The following CLVS2 variants were observed in gnomAD, a reference collection of about 807,000 sequenced individuals.
The protein encoded by CLVS2 is clavesin-2.
A neutral mutation model predicts 29.0 loss-of-function variants in CLVS2; 19 were observed. That is an observed-to-expected ratio of 0.66 (90% CI 0.46 to 0.96). The LOEUF is 0.96. Among genes scored for constraint, CLVS2 ranks in the 40% least tolerant of loss-of-function variants. The pLI, the probability that CLVS2 is intolerant of heterozygous loss-of-function variation, is 0.00. For missense variants in CLVS2, 294 were observed against 404.1 expected (o/e 0.73, Z 2.34); for synonymous variants, 161 against 151.3 (o/e 1.06, Z -0.47).
intron 2 of CLVS2, among the ~76,000 whole-genome samples, chr6:123,002,493 A>C (rs1383639073): frequency 1.3e-5 from 2 of 152,142 alleles, no homozygotes; most frequent in African/African-American, 2.4e-5. Context: ...TATGGTGATG[A>C]TAACTTACAA....
chr6:122,998,658 G>A (rs1236741121), intron 2 of CLVS2, among the ~76,000 whole-genome samples: 1 of 152,156 alleles, frequency 6.6e-6, no homozygotes, highest in Non-Finnish European at 1.5e-5. Context: ...AAAGCAAGTA[G>A]TTTTGTTGCT....
intron 4 of CLVS2, among the ~76,000 whole-genome samples, chr6:123,054,113 T>C (rs964400127): frequency 2.0e-5 from 3 of 152,104 alleles, no homozygotes; most frequent in South Asian, 2.1e-4. Flanking sequence ...GCTCCAAGGA[T>C]TTATTACCAT....
Position 123,048,743 on chromosome 6 carries a change from C to A in CLVS2, c.675+11C>A. On this transcript the variant is annotated intron_variant, in intron 4 of 5. Transcript: ENST00000275162. The stretch of plus-strand genomic sequence containing the variant: ...AAAACTCGGAAAAGGGTATTCTTTT[C>A]TTTGATTTTTAATCCTTTCTCTTCC... 6.4e-7 allele frequency: 1 copy of A among 1,556,240 alleles called. No individual in the cohort carries two copies. Among genetic ancestry groups the A allele is most frequent in the Non-Finnish European group, 8.9e-7 (1 of 1,127,736 alleles).
At chr6:123,016,983 C>T (rs1241433319) in intron 3 of CLVS2, among the ~76,000 whole-genome samples, 2 of 152,056 alleles carry the variant, frequency 1.3e-5, no homozygotes, top group Non-Finnish European at 2.9e-5. Context: ...CTGTCCAAGG[C>T]TGGGGCGTGA....
At chr6:123,035,745 A>G in intron 3 of CLVS2, among the ~76,000 whole-genome samples, 1 of 152,118 alleles carries the variant, frequency 6.6e-6, no homozygotes, top group Non-Finnish European at 1.5e-5. Flanking sequence ...AAGGCAAGGC[A>G]TGTAATCTTT....
intron 3 of CLVS2, among the ~76,000 whole-genome samples, chr6:123,037,158 AC>A (rs1299744736): frequency 2.0e-5 from 3 of 152,024 alleles, no homozygotes; most frequent in Admixed American, 1.3e-4. Context: ...GTCTACAGAC[AC>A]TTGAAATTCA....
chr6:123,011,947 A>T lies in CLVS2; in HGVS notation c.564+788A>T, dbSNP rs552773770. Reference sequence around the variant, plus strand: ...TTAGACTGGGGCATCAATGTTGAGTAAGCCCAAGTCATCTAGATTTTTACT... The same window carrying T: ...TTAGACTGGGGCATCAATGTTGAGTTAGCCCAAGTCATCTAGATTTTTACT... On this transcript the variant is annotated intron_variant, in intron 3 of 5. Transcript: ENST00000275162. Among the ~76,000 whole-genome samples, 4 of 152,178 alleles carry T rather than the reference A, an allele frequency of 2.6e-5. No homozygotes were observed. The South Asian group carries it at 8.3e-4, about 32-fold the overall frequency.
chr6:123,046,285 T>G (rs566944987), intron 3 of CLVS2, among the ~76,000 whole-genome samples: 1 of 152,174 alleles, frequency 6.6e-6, no homozygotes, highest in African/African-American at 2.4e-5. Flanking sequence ...TGTGTGCAAG[T>G]TATGTGTATA....
chr6:123,006,110 C>A (rs546200336), intron 2 of CLVS2, among the ~76,000 whole-genome samples: 1 of 152,100 alleles, frequency 6.6e-6, no homozygotes, highest in African/African-American at 2.4e-5. Flanking sequence ...AGAGAGAGGG[C>A]GCTGAGGTCT....
rs922585962 is a variant in CLVS2 at position 123,047,376 on chromosome 6, C to T, written c.565-1246C>T. Among the ~76,000 whole-genome samples the T allele has an allele frequency of 2.2e-4, 33 of 152,082 alleles. 3 individuals are homozygous for T. Among genetic ancestry groups the T allele is most frequent in the Admixed American group, 1.7e-3 (26 of 15,276 alleles). On this transcript the variant is annotated intron_variant, in intron 3 of 5. Coordinates refer to ENST00000275162, the MANE Select transcript of CLVS2 (RefSeq NM_001010852.4). The stretch of plus-strand genomic sequence containing the variant: ...ATTTACAAAAGAAGTAAGACACTGG[C>T]ATAAAAAGTAAAAGTTTTATCTTAA...
intron 2 of CLVS2, among the ~76,000 whole-genome samples, chr6:123,009,069 A>G (rs1774713160): frequency 6.6e-6 from 1 of 152,104 alleles, no homozygotes; most frequent in South Asian, 2.1e-4. Flanking sequence ...AAAGTATGCT[A>G]TGTGTGTATT....
rs979937835 is a variant in CLVS2, at chr6:123,069,451, G to A, written c.*5690G>A. The A allele has an allele frequency of 6.6e-6, 1 of 151,690 alleles. No homozygotes were observed. Among genetic ancestry groups the A allele is most frequent in the African/African-American group, 2.4e-5 (1 of 41,336 alleles). 9.4% of individuals were successfully genotyped at this position (151,690 alleles called of 1,614,324 possible). ...GTTTCCCTCATTTATCCTATCTGTG[G>A]ATGAAAAGTCATCTAATAAGGTATA... On this transcript the variant is annotated 3_prime_UTR_variant, in exon 6 of 6. Transcript: ENST00000275162.
At chr6:122,998,200 T>C in intron 2 of CLVS2, 34 bp downstream of exon 2, 1 of 1,580,368 alleles carries the variant, frequency 6.3e-7, no homozygotes, top group Non-Finnish European at 8.6e-7. Context: ...ATTCTCCTTT[T>C]ACTCTCCCAT....
chr6:123,028,099 C>T (rs2114329942), intron 3 of CLVS2, among the ~76,000 whole-genome samples: 1 of 152,232 alleles, frequency 6.6e-6, no homozygotes, highest in South Asian at 2.1e-4. Context: ...TTCATTTAGA[C>T]TTTCTAGACC....
At chr6:123,007,330 A>C (rs1381208023) in intron 2 of CLVS2, among the ~76,000 whole-genome samples, 1 of 152,162 alleles carries the variant, frequency 6.6e-6, no homozygotes, top group Non-Finnish European at 1.5e-5. Flanking sequence ...GACTTAGAAA[A>C]GTTCAGTAAC....
At position 123,069,980 on chromosome 6, in the gene CLVS2, T is replaced by C. The variant is rs1772917972; in HGVS notation, c.*6219T>C. ...AGAAAAAAATCCTATGTTATACATA[T>C]ATGAACATAATTCACTTAGTTGCAT... is the stretch of plus-strand genomic sequence containing the variant. On this transcript the variant is annotated 3_prime_UTR_variant, in exon 6 of 6. Transcript: ENST00000275162. 1 of 152,014 alleles carries C rather than the reference T, an allele frequency of 6.6e-6. No homozygotes were observed. The highest frequency in any genetic ancestry group is 1.5e-5 in the Non-Finnish European group (1 of 67,918). The allele number at this position is 152,014 out of a possible 1,614,324, so 9.4% of individuals were successfully genotyped here.
chr6:123,033,839 G>T (rs1368965241), intron 3 of CLVS2, among the ~76,000 whole-genome samples: 1 of 151,892 alleles, frequency 6.6e-6, no homozygotes, highest in Non-Finnish European at 1.5e-5. Context: ...TTTATCTAGG[G>T]TCATATAAAA....
At chr6:123,012,199 A>C (rs1774758292) in intron 3 of CLVS2, among the ~76,000 whole-genome samples, 1 of 151,994 alleles carries the variant, frequency 6.6e-6, no homozygotes. Flanking sequence ...GCTTTTTAAA[A>C]ACCTCCACAG....
intron 3 of CLVS2, among the ~76,000 whole-genome samples, chr6:123,020,640 T>C (rs1774906307): frequency 6.6e-6 from 1 of 152,070 alleles, no homozygotes; most frequent in Non-Finnish European, 1.5e-5. Context: ...CACCATATTA[T>C]CAAGATTTAT....
Sources: gnomAD v4.1 joint callset for allele counts (sites outside exome capture counted in the v4.1 genomes callset) on GRCh38, gnomAD v4.1.1 for gene constraint, MANE v1.5 for transcripts, NCBI Gene and HGNC (gene_info 2026-07-23, HGNC 2026-07-21) for gene names.